Variants in ADAD1 observed in about 807,000 individuals in gnomAD.
The protein encoded by ADAD1 is adenosine deaminase domain-containing protein 1.
Under a neutral mutation model 66.8 loss-of-function variants are expected in ADAD1, and 46 were observed. That is an observed-to-expected ratio of 0.69 (90% CI 0.54 to 0.88). ADAD1 has a LOEUF of 0.88. Ranked by LOEUF, ADAD1 falls within the 40% of genes least tolerant of loss-of-function variation. The probability of loss-of-function intolerance (pLI) is 0.00; values close to 1 mark genes in which losing one functional copy is unlikely to be tolerated. For synonymous variants in ADAD1, 248 were observed against 229.4 expected (o/e 1.08, Z -0.73); for missense variants, 617 against 681.8 (o/e 0.91, Z 1.06).
chr4:122,428,780 G>A (rs1016538129), intron 12 of ADAD1, among the ~76,000 whole-genome samples: 3 of 152,056 alleles, frequency 2.0e-5, no homozygotes, highest in Admixed American at 6.6e-5. Flanking sequence ...TGAGTACAGT[G>A]GAACTTTTTA....
intron 5 of ADAD1, among the ~76,000 whole-genome samples, chr4:122,385,433 C>T (rs62321705): frequency 0.049 from 7,487 of 151,896 alleles, 261 homozygotes; most frequent in Non-Finnish European, 0.074. Context: ...CCACCACACC[C>T]GGCTAATTTT....
Position 122,392,986 on chromosome 4 carries a change from T to C in ADAD1, c.530-603T>C, listed in dbSNP as rs113918929. Reference sequence around the variant, plus strand: ...TGAATGATTCTTAAGAGAAACTGACTACTTTAATTGGTACCTTAGCTTCTG... The same window carrying C: ...TGAATGATTCTTAAGAGAAACTGACCACTTTAATTGGTACCTTAGCTTCTG... On this transcript the variant is annotated intron_variant, in intron 5 of 12. Transcript: ENST00000296513. Among the ~76,000 whole-genome samples, 652 of 152,010 alleles carry C rather than the reference T, an allele frequency of 4.3e-3. 4 individuals are homozygous for C. The highest frequency in any genetic ancestry group is 0.015 in the African/African-American group (614 of 41,520).
At chr4:122,399,785 T>G (rs1795887613) in intron 7 of ADAD1, among the ~76,000 whole-genome samples, 1 of 151,484 alleles carries the variant, frequency 6.6e-6, no homozygotes, top group Admixed American at 6.6e-5. Context: ...GTTTAGTTCT[T>G]GATTTGATTC....
intron 12 of ADAD1, among the ~76,000 whole-genome samples, chr4:122,423,789 A>G (rs1797114271): frequency 6.6e-6 from 1 of 152,182 alleles, no homozygotes; most frequent in Non-Finnish European, 1.5e-5. Flanking sequence ...TTTGATTTAT[A>G]TGAAATGTCT....
intron 9 of ADAD1, 97 bp downstream of exon 9, chr4:122,411,489 C>A: frequency 8.2e-7 from 1 of 1,224,028 alleles, no homozygotes; most frequent in Non-Finnish European, 1.1e-6. Context: ...TTCTAATTAC[C>A]CGTATTTTCT....
chr4:122,379,998 G>A, intron 2 of ADAD1, 64 bp from the exon 3 acceptor site: 1 of 1,482,268 alleles, frequency 6.7e-7, no homozygotes, highest in Non-Finnish European at 9.0e-7. Context: ...GGGGTTTGGA[G>A]TAAATATTTT....
chr4:122,380,942 T>C (rs1403051283), intron 3 of ADAD1, 50 bp from the exon 4 acceptor site: 1 of 1,497,948 alleles, frequency 6.7e-7, no homozygotes. Context: ...TTTGCTCATT[T>C]TTGTTTGTTT....
At chr4:122,422,956 T>TAAAAAA (rs537676034) in intron 12 of ADAD1, among the ~76,000 whole-genome samples, 5 of 97,170 alleles carry the variant, frequency 5.1e-5, no homozygotes, top group East Asian at 3.2e-4. Context: ...TATTTCTCTT[T>TAAAAAA]AAAAAAAAAA....
intron 7 of ADAD1, among the ~76,000 whole-genome samples, chr4:122,403,202 C>T (rs1393717444): frequency 1.3e-5 from 2 of 152,132 alleles, no homozygotes; most frequent in Admixed American, 6.5e-5. Context: ...GTGGTGCTCT[C>T]CCCCTTCCCC....
At chr4:122,404,943 CTCT>C (rs1796140508) in intron 7 of ADAD1, among the ~76,000 whole-genome samples, 1 of 152,110 alleles carries the variant, frequency 6.6e-6, no homozygotes, top group African/African-American at 2.4e-5. Flanking sequence ...TTTTGGTTAA[CTCT>C]TCTTTTTTCC....
intron 11 of ADAD1, among the ~76,000 whole-genome samples, chr4:122,418,873 A>G (rs548972289): frequency 3.7e-4 from 57 of 152,350 alleles, no homozygotes; most frequent in Non-Finnish European, 6.6e-4. Context: ...TCAAAAAGTC[A>G]AAAAACAGAT....
intron 4 of ADAD1, among the ~76,000 whole-genome samples, chr4:122,382,641 A>C (rs1239991161): frequency 1.3e-5 from 2 of 151,774 alleles, no homozygotes; most frequent in Non-Finnish European, 2.9e-5. Context: ...CTGACCTCGA[A>C]CTCCTGGCAT....
intron 6 of ADAD1, among the ~76,000 whole-genome samples, chr4:122,395,670 A>C (rs568425371): frequency 1.8e-4 from 27 of 152,222 alleles, no homozygotes; most frequent in African/African-American, 6.5e-4. Context: ...ATCTCAAAAA[A>C]AAAAAAAGGA....
chr4:122,393,036 ATT>A (rs34759757), intron 5 of ADAD1, among the ~76,000 whole-genome samples: 270 of 123,074 alleles, frequency 2.2e-3, no homozygotes, highest in East Asian at 0.017. Flanking sequence ...AATTTTCCTG[ATT>A]TTTTTTTTTT....
chr4:122,395,660 A>G (rs1305270346), intron 6 of ADAD1, among the ~76,000 whole-genome samples: 1 of 144,746 alleles, frequency 6.9e-6, no homozygotes, highest in Non-Finnish European at 1.6e-5. Flanking sequence ...GCAAGACTCC[A>G]TCTCAAAAAA....
chr4:122,402,206 C>G (rs1024042072), intron 7 of ADAD1, among the ~76,000 whole-genome samples: 3 of 152,042 alleles, frequency 2.0e-5, no homozygotes, highest in Admixed American at 6.6e-5. Context: ...GGTGAATTCT[C>G]TTAGCATTTG....
Position 122,381,014 on chromosome 4 carries a change from T to C in ADAD1, c.195T>C (p.Leu65=). 2 of 1,595,310 alleles carry C rather than the reference T, an allele frequency of 1.3e-6. No individual in the cohort carries two copies. The highest frequency in any genetic ancestry group is 1.2e-5 in the South Asian group (1 of 86,404). Residue 65 remains leucine (L), a synonymous_variant, in exon 4 of 13, where the codon CTT becomes CTC. Transcript: ENST00000296513. ...TAGGTAATTTTCCAGAGCCGTTGCT[T>C]TCCAAGAATCTTTCATCTATTTCAA... ...QVTGNFPEPL[L]SKNLSSISNP...
intron 2 of ADAD1, 102 bp from the exon 3 acceptor site, chr4:122,379,960 A>T: frequency 8.5e-7 from 1 of 1,182,176 alleles, no homozygotes; most frequent in Non-Finnish European, 1.2e-6. Context: ...ATATGTGCCA[A>T]GGCCATTTAT....
intron 8 of ADAD1, among the ~76,000 whole-genome samples, chr4:122,410,952 A>G (rs1179150458): frequency 1.3e-5 from 2 of 152,294 alleles, no homozygotes; most frequent in Non-Finnish European, 2.9e-5. Flanking sequence ...AGAAGATGAT[A>G]GTTGGGAGAC....
Sources: allele counts gnomAD v4.1 joint callset (sites outside exome capture counted in the v4.1 genomes callset), GRCh38; gene constraint gnomAD v4.1.1; transcripts MANE v1.5; gene names NCBI Gene and HGNC (gene_info 2026-07-23, HGNC 2026-07-21).